FMN1: variants seen among roughly 807,000 people sequenced by gnomAD.
FMN1 encodes formin-1.
A neutral mutation model predicts 132.4 loss-of-function variants in FMN1; 110 were observed. That is an observed-to-expected ratio of 0.83 (90% CI 0.71 to 0.97). FMN1 has a LOEUF of 0.97. FMN1 is among the 50% of genes least tolerant of loss of function. The pLI is 0.00. For synonymous variants in FMN1, 722 were observed against 651.7 expected, an observed-to-expected ratio of 1.11 and a Z score of -1.64; for missense variants, 1,792 against 1,705.3, an observed-to-expected ratio of 1.05 and a Z score of -0.90.
At chr15:32,782,694 C>T (rs192627136) in intron 19 of FMN1, among the ~76,000 whole-genome samples, 5 of 152,212 alleles carry the variant, frequency 3.3e-5, no homozygotes, top group Admixed American at 6.5e-5. Flanking sequence ...GCTGCATACA[C>T]GCTCAACCTC....
intron 5 of FMN1, among the ~76,000 whole-genome samples, chr15:33,082,842 T>C (rs1566900284): frequency 6.7e-6 from 1 of 149,692 alleles, no homozygotes; most frequent in East Asian, 1.9e-4. Context: ...AGTTAGTTAA[T>C]AAAATATAGG....
intron 9 of FMN1, among the ~76,000 whole-genome samples, chr15:32,935,787 A>G (rs2061253744): frequency 6.6e-6 from 1 of 151,528 alleles, no homozygotes; most frequent in Non-Finnish European, 1.5e-5. Flanking sequence ...GCCACCCCAC[A>G]CAGCTAATTT....
At chr15:33,102,147 T>C (rs1001902348) in intron 4 of FMN1, among the ~76,000 whole-genome samples, 1 of 152,202 alleles carries the variant, frequency 6.6e-6, no homozygotes, top group Admixed American at 6.5e-5. Flanking sequence ...TAATTTATTT[T>C]ATGTGTATCT....
intron 7 of FMN1, among the ~76,000 whole-genome samples, chr15:32,970,371 T>C (rs145302590): frequency 2.6e-5 from 4 of 152,304 alleles, no homozygotes; most frequent in African/African-American, 9.6e-5. Flanking sequence ...ATATTTTTTG[T>C]CAATTTATTT....
intron 4 of FMN1, among the ~76,000 whole-genome samples, chr15:33,128,681 T>C (rs1963367125): frequency 6.6e-6 from 1 of 152,236 alleles, no homozygotes; most frequent in African/African-American, 2.4e-5. Flanking sequence ...GTAGTCTCAC[T>C]GACTTCACGA....
At chr15:33,042,118 T>C (rs1173434837) in intron 6 of FMN1, among the ~76,000 whole-genome samples, 1 of 152,036 alleles carries the variant, frequency 6.6e-6, no homozygotes, top group African/African-American at 2.4e-5. Flanking sequence ...AAAAATCAAT[T>C]GCTTTGGTAT....
Position 33,085,623 on chromosome 15 carries a change from C to T in FMN1, c.2043+3176G>A, listed in dbSNP as rs1490385044. 2.7e-5 allele frequency among the ~76,000 whole-genome samples: 4 copies of T among 149,902 alleles called. No individual in the cohort carries two copies. The East Asian group carries it at 5.8e-4, about 22-fold the overall frequency. Reference sequence around the variant, plus strand: ...ATAAATATATAAAGCCCATAAAAGGCTAGTTCAGGAAATAGACATTTTTCA... The same window carrying T: ...ATAAATATATAAAGCCCATAAAAGGTTAGTTCAGGAAATAGACATTTTTCA... On this transcript the variant is annotated intron_variant, in intron 5 of 20. Transcript: ENST00000616417.
Position 32,964,044 on chromosome 15 carries a change from CACACAT to C in FMN1, c.3138+57_3138+62del, listed in dbSNP as rs1271127251. 123 of 1,220,566 alleles carry C rather than the reference CACACAT, an allele frequency of 1.0e-4. 1 individual carries two copies. In the African/African-American group the frequency reaches 1.2e-3, roughly 12 times the overall value. The allele number at this position is 1,220,566 out of a possible 1,614,324, so 75.6% of individuals were successfully genotyped here. On this transcript the variant is annotated intron_variant, in intron 9 of 20. Coordinates refer to ENST00000616417, the MANE Select transcript of FMN1 (RefSeq NM_001277313.2). ...ACACACACACACACACACACACACA[CACACAT>C]ATATACCATTTCCCTGTATAATATA...
chr15:33,179,486 C>T (rs562899416), intron 3 of FMN1, among the ~76,000 whole-genome samples: 31 of 152,230 alleles, frequency 2.0e-4, no homozygotes, highest in Non-Finnish European at 4.1e-4. Flanking sequence ...CAAATGATGC[C>T]TCATTAGAAA....
In FMN1 at chr15:32,766,446, G is replaced by C. The variant is rs1281439929; in HGVS notation, c.*7864C>G. On this transcript the variant is annotated 3_prime_UTR_variant, in exon 21 of 21. Coordinates refer to ENST00000616417, the MANE Select transcript of FMN1 (RefSeq NM_001277313.2). ...GTTCTGCATCATAGCTGGTGACCCG[G>C]TCTGATGTACAAATTTATCAAGAGA... 2.6e-5 allele frequency: 4 copies of C among 151,996 alleles called. No homozygotes were observed. The highest frequency in any genetic ancestry group is 1.3e-4 in the Admixed American group (2 of 15,264). 9.4% of individuals were successfully genotyped at this position (151,996 alleles called of 1,614,324 possible).
At chr15:33,030,834 T>C (rs1014476757) in intron 6 of FMN1, among the ~76,000 whole-genome samples, 11 of 152,192 alleles carry the variant, frequency 7.2e-5, no homozygotes, top group Non-Finnish European at 1.6e-4. Context: ...AGTTTTTTTA[T>C]TAATATACTT....
intron 9 of FMN1, among the ~76,000 whole-genome samples, chr15:32,950,016 CACAT>C (rs1481436852): frequency 3.0e-4 from 1 of 3,314 alleles, no homozygotes; most frequent in African/African-American, 5.9e-4. Context: ...TATATATATA[CACAT>C]ATATATATAT....
At chr15:32,833,248 C>T (rs187528642) in intron 17 of FMN1, among the ~76,000 whole-genome samples, 53 of 152,174 alleles carry the variant, frequency 3.5e-4, no homozygotes, top group African/African-American at 1.0e-3. Context: ...GTAGAAAATA[C>T]GTAATGGGAG....
At chr15:33,134,023 C>T (rs1024110096) in intron 4 of FMN1, among the ~76,000 whole-genome samples, 3 of 152,106 alleles carry the variant, frequency 2.0e-5, no homozygotes, top group East Asian at 3.9e-4. Flanking sequence ...GCACAGTCAT[C>T]GCTCACTGCA....
At chr15:32,862,559 T>C in intron 16 of FMN1, among the ~76,000 whole-genome samples, 1 of 152,198 alleles carries the variant, frequency 6.6e-6, no homozygotes, top group Non-Finnish European at 1.5e-5. Flanking sequence ...ATTTCAGATA[T>C]TAGGCTGTTA....
chr15:32,873,601 A>T (rs2059567023), intron 16 of FMN1, among the ~76,000 whole-genome samples: 1 of 152,040 alleles, frequency 6.6e-6, no homozygotes. Flanking sequence ...ACGTAAAGTG[A>T]GTGTGTGTAA....
chr15:33,017,388 G>T (rs345831), intron 6 of FMN1, among the ~76,000 whole-genome samples: 91,904 of 151,996 alleles, frequency 0.6, 28,265 homozygotes, highest in Admixed American at 0.66. Flanking sequence ...CTAAGGGAAA[G>T]TGTGGTATGT....
chr15:32,973,584 C>G (rs370398129), intron 7 of FMN1, among the ~76,000 whole-genome samples: 1 of 151,098 alleles, frequency 6.6e-6, no homozygotes, highest in South Asian at 2.1e-4. Context: ...TCACCCCCCC[C>G]AAAAAAACAC....
intron 17 of FMN1, among the ~76,000 whole-genome samples, chr15:32,851,464 T>C (rs575642031): frequency 2.0e-5 from 3 of 152,312 alleles, no homozygotes; most frequent in East Asian, 3.9e-4. Flanking sequence ...ATGACCATGT[T>C]TGATCTGAGG....
Sources: allele counts gnomAD v4.1 joint callset (sites outside exome capture counted in the v4.1 genomes callset), GRCh38; gene constraint gnomAD v4.1.1; transcripts MANE v1.5; gene names NCBI Gene and HGNC (gene_info 2026-07-23, HGNC 2026-07-21).